PDE4D: variants seen among roughly 807,000 people sequenced by gnomAD.
PDE4D encodes phosphodiesterase 4D.
PDE4D carries 24 observed loss-of-function variants against 87.4 expected under a neutral mutation model. That is an observed-to-expected ratio of 0.27 (90% CI 0.20 to 0.39). PDE4D has a LOEUF of 0.39. Ranked by LOEUF, PDE4D falls within the 10% of genes least tolerant of loss-of-function variation. The pLI, the probability that PDE4D is intolerant of heterozygous loss-of-function variation, is 1.00. For missense variants in PDE4D, 714 were observed against 1,041.0 expected, an observed-to-expected ratio of 0.69 and a Z score of 4.32; for synonymous variants, 384 against 383.2, an observed-to-expected ratio of 1.00 and a Z score of -0.02.
chr5:59,544,266 T>C (rs1366675182), intron 1 of PDE4D, among the ~76,000 whole-genome samples: 1 of 152,238 alleles, frequency 6.6e-6, no homozygotes, highest in Non-Finnish European at 1.5e-5. Context: ...ACGCTAGTTC[T>C]ACCCATGCCA....
At chr5:59,281,279 T>G (rs36094087) in intron 1 of PDE4D, among the ~76,000 whole-genome samples, 7,350 of 152,222 alleles carry the variant, frequency 0.048, 192 homozygotes, top group African/African-American at 0.065. Context: ...TTATGTATTG[T>G]GGCTTAGAGT....
intron 5 of PDE4D, among the ~76,000 whole-genome samples, chr5:59,086,884 C>T (rs1431801060): frequency 6.6e-6 from 1 of 152,196 alleles, no homozygotes; most frequent in South Asian, 2.1e-4. Context: ...CTCTTTGTTT[C>T]TCATATGATT....
chr5:59,447,889 A>T (rs1238959747), intron 1 of PDE4D, among the ~76,000 whole-genome samples: 2 of 152,144 alleles, frequency 1.3e-5, no homozygotes, highest in African/African-American at 4.8e-5. Context: ...GCCATCTCCC[A>T]ATTTCTTCTG....
At position 59,417,538 on chromosome 5, in the gene PDE4D, CT is replaced by C. The variant is rs550294405; in HGVS notation, c.456-201571del. Among the ~76,000 whole-genome samples the C allele has an allele frequency of 1.9e-3, 270 of 143,884 alleles. 2 individuals carry two copies. Among genetic ancestry groups the C allele is most frequent in the South Asian group, 0.011 (50 of 4,500 alleles). The allele number at this position is 143,884 out of a possible 152,430, so 94.4% of individuals were successfully genotyped here. Reference sequence around the variant, plus strand: ...TTGGTTAAAAAGAAAAAGCTGTTACCTTTTTTTTTTTTAATAAACAAACAAC... The same window carrying C: ...TTGGTTAAAAAGAAAAAGCTGTTACCTTTTTTTTTTTAATAAACAAACAAC... On this transcript the variant is annotated intron_variant, in intron 1 of 14. Transcript: ENST00000340635.
At chr5:60,228,804 C>G (rs959318207) in intron 1 of PDE4D, among the ~76,000 whole-genome samples, 12 of 152,016 alleles carry the variant, frequency 7.9e-5, no homozygotes, top group Non-Finnish European at 1.3e-4. Context: ...ATACAGAGAG[C>G]GAGAAGTCAT....
chr5:59,200,013 ACATG>A (rs1561687610), intron 2 of PDE4D, among the ~76,000 whole-genome samples: 1 of 118,108 alleles, frequency 8.5e-6, no homozygotes, highest in Non-Finnish European at 2.0e-5. Flanking sequence ...CAACATACAT[ACATG>A]CACATATACA....
intron 1 of PDE4D, among the ~76,000 whole-genome samples, chr5:59,403,632 C>G (rs1791087229): frequency 6.6e-6 from 1 of 152,112 alleles, no homozygotes; most frequent in Non-Finnish European, 1.5e-5. Context: ...TTGCAAATGA[C>G]AGGATCTCAT....
chr5:59,092,740 T>TACAAAAAC (rs754018799), intron 5 of PDE4D, among the ~76,000 whole-genome samples: 2 of 152,192 alleles, frequency 1.3e-5, no homozygotes, highest in African/African-American at 4.8e-5. Context: ...GAGGTGTTCT[T>TACAAAAAC]ACAAAAACAC....
intron 1 of PDE4D, among the ~76,000 whole-genome samples, chr5:59,600,928 C>A (rs1468937379): frequency 6.6e-6 from 1 of 152,130 alleles, no homozygotes; most frequent in African/African-American, 2.4e-5. Context: ...TCTAATATTA[C>A]AATGTATTAC....
chr5:60,011,457 C>T (rs961810283), intron 2 of PDE4D, among the ~76,000 whole-genome samples: 10 of 151,972 alleles, frequency 6.6e-5, no homozygotes, highest in Admixed American at 3.9e-4. Context: ...GACTGTTATT[C>T]GTGAGTGCTG....
At chr5:59,766,363 A>G (rs1762792877) in intron 1 of PDE4D, among the ~76,000 whole-genome samples, 1 of 152,164 alleles carries the variant, frequency 6.6e-6, no homozygotes, top group Non-Finnish European at 1.5e-5. Context: ...GACCTGATAC[A>G]CTAAAATGAA....
chr5:60,502,120 G>T (rs1330797624), intron 1 of PDE4D, among the ~76,000 whole-genome samples: 1 of 151,576 alleles, frequency 6.6e-6, no homozygotes, highest in African/African-American at 2.4e-5. Flanking sequence ...TTCTTCTAGG[G>T]TTTTTATGGT....
At chr5:58,984,326 T>A (rs2153325129) in intron 11 of PDE4D, among the ~76,000 whole-genome samples, 1 of 152,346 alleles carries the variant, frequency 6.6e-6, no homozygotes, top group South Asian at 2.1e-4. Context: ...TCACTTATTA[T>A]GCTCCACCTT....
chr5:59,685,638 T>G (rs1749730367), intron 1 of PDE4D, among the ~76,000 whole-genome samples: 1 of 152,200 alleles, frequency 6.6e-6, no homozygotes, highest in South Asian at 2.1e-4. Flanking sequence ...CTCAAGTCTT[T>G]TAAACTACTC....
intron 1 of PDE4D, among the ~76,000 whole-genome samples, chr5:60,415,354 C>T (rs867304598): frequency 1.3e-5 from 2 of 152,386 alleles, no homozygotes; most frequent in Middle Eastern, 6.8e-3. Flanking sequence ...CCACTCTGGC[C>T]GTGCTTGAGG....
At chr5:60,094,137 T>C (rs1269148686) in intron 2 of PDE4D, among the ~76,000 whole-genome samples, 2 of 152,162 alleles carry the variant, frequency 1.3e-5, no homozygotes, top group South Asian at 2.1e-4. Context: ...CTCTGCCACA[T>C]ACTAACTATA....
At chr5:59,768,671 G>T (rs1763116030) in intron 1 of PDE4D, 4 of 1,486,194 alleles carry the variant, frequency 2.7e-6, no homozygotes, top group Non-Finnish European at 3.6e-6. Flanking sequence ...GGGTGCAGAG[G>T]AGGCGAGCGC....
At chr5:59,461,839 C>G (rs540862166) in intron 1 of PDE4D, among the ~76,000 whole-genome samples, 20 of 152,226 alleles carry the variant, frequency 1.3e-4, no homozygotes, top group African/African-American at 4.1e-4. Flanking sequence ...TCCATAGGCT[C>G]TCAGTAGAAA....
At chr5:59,887,569 T>C (rs1386820504) in intron 1 of PDE4D, among the ~76,000 whole-genome samples, 3 of 152,216 alleles carry the variant, frequency 2.0e-5, no homozygotes, top group Admixed American at 1.3e-4. Context: ...TTGTCCATGA[T>C]AGACTTCAGA....
Sources: allele counts gnomAD v4.1 joint callset (sites outside exome capture counted in the v4.1 genomes callset), GRCh38; gene constraint gnomAD v4.1.1; transcripts MANE v1.5; gene names NCBI Gene and HGNC (gene_info 2026-07-23, HGNC 2026-07-21).